Variants in KAT6A observed in about 807,000 individuals in gnomAD.
KAT6A encodes histone acetyltransferase KAT6A.
A neutral mutation model predicts 198.4 loss-of-function variants in KAT6A; 9 were observed. The ratio of observed to expected loss-of-function variants is 0.05; its 90% CI spans 0.03 to 0.08. The LOEUF is 0.08. Among genes scored for constraint, KAT6A ranks in the 10% least tolerant of loss-of-function variants. The pLI is 1.00. For missense variants in KAT6A, 2,077 were observed against 2,509.9 expected, an observed-to-expected ratio of 0.83 and a Z score of 3.69; for synonymous variants, 890 against 883.0, an observed-to-expected ratio of 1.01 and a Z score of -0.14.
intron 2 of KAT6A, among the ~76,000 whole-genome samples, chr8:42,018,305 G>C (rs1826365238): frequency 6.6e-6 from 1 of 152,156 alleles, no homozygotes; most frequent in African/African-American, 2.4e-5. Context: ...GGAGGCTGAG[G>C]TGGGCGGATC....
chr8:41,967,996 C>T lies in KAT6A; in HGVS notation c.1482+6708G>A, dbSNP rs1486517771. 7.9e-5 allele frequency among the ~76,000 whole-genome samples: 12 copies of T among 151,984 alleles called. No individual in the cohort carries two copies. The East Asian group carries it at 1.7e-3, about 22-fold the overall frequency. On this transcript the variant is annotated intron_variant, in intron 8 of 16. Transcript: ENST00000265713. ...ATTCAAGATGGATTAAAGACTTAAACGTTAGACCTAAAACCATAAAAACCC... is the reference window on the plus strand; with the variant it reads ...ATTCAAGATGGATTAAAGACTTAAATGTTAGACCTAAAACCATAAAAACCC...
intron 12 of KAT6A, among the ~76,000 whole-genome samples, chr8:41,945,265 G>A (rs1477574988): frequency 6.6e-6 from 1 of 151,198 alleles, no homozygotes; most frequent in Non-Finnish European, 1.5e-5. Context: ...AATACGGCAG[G>A]TATAGTACTT....
At chr8:42,025,572 A>G (rs1826772318) in intron 2 of KAT6A, among the ~76,000 whole-genome samples, 1 of 152,026 alleles carries the variant, frequency 6.6e-6, no homozygotes, top group African/African-American at 2.4e-5. Flanking sequence ...AGAAATGTCT[A>G]TTCAGATCCT....
chr8:42,043,946 T>C (rs145079047), intron 2 of KAT6A, among the ~76,000 whole-genome samples: 1 of 152,354 alleles, frequency 6.6e-6, no homozygotes, highest in African/African-American at 2.4e-5. Flanking sequence ...TAACAGTAGC[T>C]AGTTATGTTA....
intron 10 of KAT6A, among the ~76,000 whole-genome samples, chr8:41,949,003 C>G (rs1037391893): frequency 6.6e-6 from 1 of 152,112 alleles, no homozygotes; most frequent in African/African-American, 2.4e-5. Context: ...CATTTAAATG[C>G]CATATTTCAT....
intron 2 of KAT6A, among the ~76,000 whole-genome samples, chr8:42,031,801 T>C (rs905835898): frequency 4.6e-5 from 7 of 151,360 alleles, no homozygotes; most frequent in Non-Finnish European, 8.8e-5. Flanking sequence ...TGGCTAATTT[T>C]TGTATTTTTA....
intron 8 of KAT6A, among the ~76,000 whole-genome samples, chr8:41,960,301 C>A (rs769751723): frequency 6.6e-6 from 1 of 151,892 alleles, no homozygotes; most frequent in South Asian, 2.1e-4. Flanking sequence ...CTGGTTAGGC[C>A]GGGCGCAGTG....
rs779469784 is a variant in KAT6A, at chr8:41,933,336, G to C, written c.4884C>G (p.Ala1628=). The change falls in exon 17 of 17, where the codon GCC becomes GCG. Residue 1628 remains alanine, a synonymous_variant. Coordinates refer to ENST00000265713, the MANE Select transcript of KAT6A (RefSeq NM_006766.5). The surrounding 1 kb of genome is among the most constrained non-coding windows in gnomAD (Gnocchi z 6.2). ...TCTGAGGTGACTTGATGCTGCAGTTGGCAGCAGGCTGGACGCTGCTCTGCT... is the reference window on the plus strand; with the variant it reads ...TCTGAGGTGACTTGATGCTGCAGTTCGCAGCAGGCTGGACGCTGCTCTGCT... ...MMQQSSVQPA[A]NCSIKSPQSC... The C allele has an allele frequency of 3.8e-6, 6 of 1,576,156 alleles. No homozygotes were observed. Among genetic ancestry groups the C allele is most frequent in the Non-Finnish European group, 8.6e-7 (1 of 1,163,960 alleles).
rs1172551238 is a variant in KAT6A, at chr8:41,930,853, A to T, written c.*1352T>A. 3.3e-5 allele frequency: 7 copies of T among 209,616 alleles called. No individual in the cohort carries two copies. Among genetic ancestry groups the T allele is most frequent in the Non-Finnish European group, 9.7e-6 (1 of 103,534 alleles). The allele number at this position is 209,616 out of a possible 1,614,324, so 13.0% of individuals were successfully genotyped here. ...GAGCAACACATGAACTTGCGTTATA[A>T]CATTCTGCTGTCCAGATCTGCCCTA... On this transcript the variant is annotated 3_prime_UTR_variant, in exon 17 of 17. Coordinates refer to ENST00000265713, the MANE Select transcript of KAT6A (RefSeq NM_006766.5).
At chr8:42,028,000 T>C (rs1234339414) in intron 2 of KAT6A, among the ~76,000 whole-genome samples, 5 of 152,200 alleles carry the variant, frequency 3.3e-5, no homozygotes, top group Non-Finnish European at 1.5e-5. Flanking sequence ...AGTATCTTCA[T>C]TGACCCAGTG....
chr8:41,990,577 T>C (rs1455727313), intron 2 of KAT6A, among the ~76,000 whole-genome samples: 2 of 152,102 alleles, frequency 1.3e-5, no homozygotes, highest in Admixed American at 6.6e-5. Flanking sequence ...AGAAAATACA[T>C]GAATAACACA....
intron 2 of KAT6A, among the ~76,000 whole-genome samples, chr8:42,029,368 T>C (rs1381784861): frequency 1.3e-5 from 2 of 152,202 alleles, no homozygotes. Context: ...AATAATTCTA[T>C]GCCTTTGCCC....
Position 41,949,379 on chromosome 8 carries a change from A to T in KAT6A, c.1599-16T>A. On this transcript the variant is annotated splice_polypyrimidine_tract_variant and intron_variant, in intron 9 of 16. Coordinates refer to ENST00000265713, the MANE Select transcript of KAT6A (RefSeq NM_006766.5). Reference sequence around the variant, plus strand: ...TTTGGGCAGCCTGTAAACGATAATTAAACAAAAAAGACAGGGCTTTATATT... The same window carrying T: ...TTTGGGCAGCCTGTAAACGATAATTTAACAAAAAAGACAGGGCTTTATATT... 2 of 1,472,454 alleles carry T rather than the reference A, an allele frequency of 1.4e-6. No homozygotes were observed. The highest frequency in any genetic ancestry group is 1.5e-5 in the South Asian group (1 of 65,750). The allele number at this position is 1,472,454 out of a possible 1,614,324, so 91.2% of individuals were successfully genotyped here. A position where few individuals can be genotyped will look rare whatever the true frequency, so the allele number is the denominator to read the frequency against.
intron 8 of KAT6A, among the ~76,000 whole-genome samples, chr8:41,973,187 T>C (rs1420247650): frequency 6.6e-6 from 1 of 152,216 alleles, no homozygotes; most frequent in African/African-American, 2.4e-5. Context: ...GGTCTCTTAA[T>C]ATGAAGAGTT....
rs191376238 is a variant in KAT6A, at chr8:41,998,935, A to G, written c.601-11372T>C. Among the ~76,000 whole-genome samples, 344 of 152,294 alleles carry G rather than the reference A, an allele frequency of 2.3e-3. 2 individuals are homozygous for G. The highest frequency in any genetic ancestry group is 5.1e-3 in the Admixed American group (78 of 15,310). ...CTTTCTATAATTTTAATCAATTCCA[A>G]CATAACCCATTAGCCATTACAAAAC... is the stretch of plus-strand genomic sequence containing the variant. On this transcript the variant is annotated intron_variant, in intron 2 of 16. Coordinates refer to ENST00000265713, the MANE Select transcript of KAT6A (RefSeq NM_006766.5).
chr8:41,978,753 C>T lies in KAT6A; in HGVS notation c.932G>A (p.Arg311Gln), dbSNP rs1291997106. 8.1e-6 allele frequency: 13 copies of T among 1,613,402 alleles called. No individual in the cohort carries two copies. The highest frequency in any genetic ancestry group is 1.7e-5 in the Admixed American group (1 of 59,952). The stretch of plus-strand genomic sequence containing the variant: ...AAGTTTTCGTCCTTTTTTCCTAGGT[C>T]GACATATTTGACATATCCACATGCC... ...PKGMWICQIC[R>Q]PRKKGRKLLQ... Residue 311 changes from arginine to glutamine, a missense_variant, in exon 6 of 17, where the codon CGA (arginine) becomes CAA (glutamine). Arg to Gln is a conservative substitution (Grantham distance 43, BLOSUM62 1). This residue lies in a region of KAT6A where 89 missense variants were observed against 154.4 expected (regional missense o/e 0.58). Coordinates refer to ENST00000265713, the MANE Select transcript of KAT6A (RefSeq NM_006766.5).
Position 41,933,758 on chromosome 8 carries a change from A to T in KAT6A, c.4462T>A (p.Ser1488Thr). 6.2e-7 allele frequency: 1 copy of T among 1,614,064 alleles called. No individual in the cohort carries two copies. The highest frequency in any genetic ancestry group is 8.5e-7 in the Non-Finnish European group (1 of 1,180,016). Reference protein sequence around the residue: ...EHNSPISSVQSHPSQSVRSVS... With the variant: ...EHNSPISSVQTHPSQSVRSVS... ...GAACGGACTGACTGGCTGGGGTGAGACTGAACGGAGGAGATAGGGCTATTA... is the reference window on the plus strand; with the variant it reads ...GAACGGACTGACTGGCTGGGGTGAGTCTGAACGGAGGAGATAGGGCTATTA... Residue 1488 changes from serine (S) to threonine (T), a missense_variant, in exon 17 of 17, where the codon TCT becomes ACT. Ser to Thr is a moderately conservative substitution (Grantham distance 58). Coordinates refer to ENST00000265713, the MANE Select transcript of KAT6A (RefSeq NM_006766.5). This position sits in a 1 kb window ranked among gnomAD's most constrained non-coding sequence, Gnocchi z 6.2.
chr8:42,033,707 T>C (rs963926326), intron 2 of KAT6A, among the ~76,000 whole-genome samples: 1 of 152,188 alleles, frequency 6.6e-6, no homozygotes, highest in African/African-American at 2.4e-5. Flanking sequence ...CTTATCACCA[T>C]GTGTATTTAT....
intron 15 of KAT6A, among the ~76,000 whole-genome samples, chr8:41,938,619 A>G (rs1175963329): frequency 6.6e-6 from 1 of 152,120 alleles, no homozygotes; most frequent in Non-Finnish European, 1.5e-5. Context: ...AAAACAAACA[A>G]AAAGACCCCA....
Sources: allele counts gnomAD v4.1 joint callset (sites outside exome capture counted in the v4.1 genomes callset), GRCh38; gene constraint gnomAD v4.1.1; regional missense constraint gnomAD v4.1.1; non-coding constraint Gnocchi (gnomAD v3.1); transcripts MANE v1.5; gene names NCBI Gene and HGNC (gene_info 2026-07-23, HGNC 2026-07-21).